The following ASTN1 variants were observed in gnomAD, a reference collection of about 807,000 sequenced individuals.
ASTN1 encodes astrotactin 1.
Under a neutral mutation model 140.7 loss-of-function variants are expected in ASTN1, and 41 were observed. That is an observed-to-expected ratio of 0.29 (90% confidence interval 0.23 to 0.38). The LOEUF is 0.38. Ranked by LOEUF, ASTN1 falls within the 10% of genes least tolerant of loss-of-function variation. The pLI is 1.00. For synonymous variants in ASTN1, 640 were observed against 652.2 expected, an observed-to-expected ratio of 0.98 and a Z score of 0.29; for missense variants, 1,479 against 1,678.8, an observed-to-expected ratio of 0.88 and a Z score of 2.08.
chr1:177,032,130 T>G (rs1037489872), intron 3 of ASTN1, among the ~76,000 whole-genome samples: 1 of 152,214 alleles, frequency 6.6e-6, no homozygotes, highest in African/African-American at 2.4e-5. Context: ...CATGTTCATT[T>G]TTCTTGCTAT....
At chr1:176,968,356 G>T (rs916903562) in intron 8 of ASTN1, among the ~76,000 whole-genome samples, 6 of 152,196 alleles carry the variant, frequency 3.9e-5, no homozygotes, top group Non-Finnish European at 8.8e-5. Context: ...GATGTGTCTT[G>T]CCCTAAGGTG....
At chr1:176,978,998 G>C (rs140793120) in intron 8 of ASTN1, among the ~76,000 whole-genome samples, 54 of 152,290 alleles carry the variant, frequency 3.5e-4, no homozygotes, top group African/African-American at 9.4e-4. Flanking sequence ...GGGATACAGA[G>C]GTGAACAGAA....
chr1:176,957,870 AT>A (rs779287863), intron 10 of ASTN1, 42 bp from the exon 11 acceptor site: 1 of 1,595,554 alleles, frequency 6.3e-7, no homozygotes, highest in East Asian at 2.3e-5. Flanking sequence ...AGTCAAGGAG[AT>A]TCCAGATGCA....
At chr1:177,036,951 C>T (rs894536286) in intron 2 of ASTN1, among the ~76,000 whole-genome samples, 4 of 152,060 alleles carry the variant, frequency 2.6e-5, no homozygotes, top group Non-Finnish European at 4.4e-5. Context: ...TCCCAAGTAG[C>T]TGGGATTACA....
chr1:176,899,815 T>C (rs1046475907), intron 16 of ASTN1, among the ~76,000 whole-genome samples: 1 of 152,144 alleles, frequency 6.6e-6, no homozygotes. Flanking sequence ...GAGATCACTA[T>C]GGACTTAAAA....
chr1:177,028,270 A>C (rs961112020), intron 5 of ASTN1, among the ~76,000 whole-genome samples: 5 of 152,308 alleles, frequency 3.3e-5, no homozygotes, highest in Admixed American at 2.0e-4. Context: ...AGCTGGGCCT[A>C]GGTTGGGTAT....
At chr1:177,099,350 C>T (rs994124264) in intron 1 of ASTN1, among the ~76,000 whole-genome samples, 8 of 151,836 alleles carry the variant, frequency 5.3e-5, no homozygotes, top group Non-Finnish European at 7.4e-5. Flanking sequence ...TCTGTACAGG[C>T]GGTTAAAAAA....
At chr1:177,140,449 C>T (rs1000576865) in intron 1 of ASTN1, among the ~76,000 whole-genome samples, 1 of 152,034 alleles carries the variant, frequency 6.6e-6, no homozygotes, top group Non-Finnish European at 1.5e-5. Flanking sequence ...ATAATGTGAC[C>T]CAATTTACCA....
chr1:177,138,929 T>C (rs1052119729), intron 1 of ASTN1, among the ~76,000 whole-genome samples: 1 of 152,184 alleles, frequency 6.6e-6, no homozygotes, highest in Non-Finnish European at 1.5e-5. Context: ...AACTTGGCTG[T>C]GGTCATTTAA....
At chr1:177,047,367 G>A (rs1256764153) in intron 2 of ASTN1, among the ~76,000 whole-genome samples, 2 of 151,368 alleles carry the variant, frequency 1.3e-5, no homozygotes, top group Non-Finnish European at 2.9e-5. Flanking sequence ...ATATGACAGG[G>A]AGGTCCAGAA....
intron 8 of ASTN1, among the ~76,000 whole-genome samples, chr1:176,965,875 C>T (rs1249674632): frequency 2.0e-5 from 3 of 152,210 alleles, no homozygotes; most frequent in Non-Finnish European, 2.9e-5. Context: ...TTTAATGTCA[C>T]TCACTCAAAC....
chr1:176,860,254 G>T (rs1557916035), downstream of ASTN1, among the ~76,000 whole-genome samples: 2 of 152,196 alleles, frequency 1.3e-5, no homozygotes, highest in Admixed American at 1.3e-4. Flanking sequence ...AGAGGCAGTA[G>T]ATCACACTTT....
At chr1:177,055,615 G>C (rs1308804239) in intron 2 of ASTN1, among the ~76,000 whole-genome samples, 2 of 152,212 alleles carry the variant, frequency 1.3e-5, no homozygotes, top group Non-Finnish European at 2.9e-5. Context: ...AGGATGGCTT[G>C]AATTGCAAGA....
At position 177,032,659 on chromosome 1, in the gene ASTN1, C is replaced by T. The variant is rs1426059581; in HGVS notation, c.662G>A (p.Arg221His). Residue 221 changes from arginine to histidine, a missense_variant, in exon 3 of 23, where the codon CGC becomes CAC. By Grantham distance (29) the Arg-to-His change is conservative (BLOSUM62 0). Around this residue, in one of 3 missense-constraint regions of ASTN1, gnomAD observed 729 missense variants for 860.4 expected, o/e 0.85. Coordinates refer to ENST00000361833, the MANE Select transcript of ASTN1 (RefSeq NM_004319.3). ...GCCACTGGAGTTGTGGCCCTGCACG[C>T]GGGCATTGCGCAGGCTCTCCCGTCC... is the stretch of plus-strand genomic sequence containing the variant. ...GHGRESLRNA[R>H]VQGHNSSGTL... 4 of 1,614,054 alleles carry T rather than the reference C, an allele frequency of 2.5e-6. No individual in the cohort carries two copies. Among genetic ancestry groups the T allele is most frequent in the Middle Eastern group, 3.3e-4 (2 of 6,084 alleles).
chr1:176,860,022 C>A (rs1183014556), downstream of ASTN1, among the ~76,000 whole-genome samples: 1 of 152,092 alleles, frequency 6.6e-6, no homozygotes, highest in Admixed American at 6.5e-5. Flanking sequence ...TGAGCTGGGA[C>A]TGTGGACCAG....
intron 1 of ASTN1, among the ~76,000 whole-genome samples, chr1:177,112,244 GA>G (rs924238958): frequency 6.6e-6 from 1 of 151,914 alleles, no homozygotes; most frequent in African/African-American, 2.4e-5. Flanking sequence ...ATTTCAGCAG[GA>G]AAAAAAATAC....
rs759381441 is a variant in ASTN1 at position 177,024,732 on chromosome 1, A to G, written c.1121T>C (p.Val374Ala). 6.2e-7 allele frequency: 1 copy of G among 1,612,782 alleles called. No homozygotes were observed. Among genetic ancestry groups the G allele is most frequent in the Non-Finnish European group, 8.5e-7 (1 of 1,178,902 alleles). The change falls in exon 6 of 23, where the codon GTG becomes GCG. Residue 374 changes from valine to alanine, a missense_variant and splice_region_variant. By Grantham distance (64) the Val-to-Ala change is moderately conservative. Coordinates refer to ENST00000361833, the MANE Select transcript of ASTN1 (RefSeq NM_004319.3). Reference protein sequence around the residue: ...DPSRSRRRSRVGSPRSPVNKT... With the variant: ...DPSRSRRRSRAGSPRSPVNKT... ...ATTCACAGGACTTCGGGGAGAACCC[A>G]CTGAAAGTGAGACAAAAGCAAGATA...
chr1:177,016,519 G>T (rs550513249), intron 7 of ASTN1, among the ~76,000 whole-genome samples: 1 of 152,238 alleles, frequency 6.6e-6, no homozygotes, highest in East Asian at 1.9e-4. Flanking sequence ...TGACGATAAG[G>T]TTTGTGGATG....
intron 8 of ASTN1, among the ~76,000 whole-genome samples, chr1:176,974,305 TGG>T (rs1203752218): frequency 6.6e-6 from 1 of 152,174 alleles, no homozygotes; most frequent in Non-Finnish European, 1.5e-5. Flanking sequence ...TCAATAACCT[TGG>T]GATGCAGTCA....
Sources: gnomAD v4.1 joint callset for allele counts (sites outside exome capture counted in the v4.1 genomes callset) on GRCh38, gnomAD v4.1.1 for gene constraint, gnomAD v4.1.1 regional missense constraint, MANE v1.5 for transcripts, NCBI Gene and HGNC (gene_info 2026-07-23, HGNC 2026-07-21) for gene names.